Variants in ATAD2 observed in about 807,000 individuals in gnomAD.
ATAD2 encodes ATPase family AAA domain containing 2.
A neutral mutation model predicts 168.9 loss-of-function variants in ATAD2; 62 were observed. The ratio of observed to expected loss-of-function variants is 0.37; its 90% CI spans 0.30 to 0.45. The LOEUF (loss-of-function observed/expected upper bound fraction) is 0.45. Among genes scored for constraint, ATAD2 ranks in the 20% least tolerant of loss-of-function variants. The probability of loss-of-function intolerance (pLI) is 1.00; values close to 1 mark genes in which losing one functional copy is unlikely to be tolerated. For missense variants in ATAD2, 1,419 were observed against 1,667.8 expected (o/e 0.85, Z 2.60); for synonymous variants, 613 against 571.6 (o/e 1.07, Z -1.03).
At chr8:123,390,258 C>T (rs1829790667) in intron 1 of ATAD2, among the ~76,000 whole-genome samples, 1 of 152,032 alleles carries the variant, frequency 6.6e-6, no homozygotes, top group Non-Finnish European at 1.5e-5. Context: ...GCTAGGATTA[C>T]AGGCATGAGC....
intron 1 of ATAD2, among the ~76,000 whole-genome samples, chr8:123,406,781 C>T (rs1813073426): frequency 6.8e-6 from 1 of 147,636 alleles, no homozygotes; most frequent in Non-Finnish European, 1.5e-5. Context: ...CTCGCCACTG[C>T]ACTTTAGCCT....
chr8:123,344,020 C>T (rs771780198), intron 19 of ATAD2, among the ~76,000 whole-genome samples: 2 of 152,154 alleles, frequency 1.3e-5, no homozygotes, highest in Admixed American at 6.5e-5. Flanking sequence ...ATTGTTAAAA[C>T]TTGTAAATGT....
intron 13 of ATAD2, 104 bp downstream of exon 13, chr8:123,356,285 C>G: frequency 1.1e-6 from 1 of 915,138 alleles, no homozygotes; most frequent in Middle Eastern, 2.3e-4. Context: ...AAAGGAACTA[C>G]TAGCTTATAA....
chr8:123,415,987 T>G (rs1813265307), intron 1 of ATAD2, among the ~76,000 whole-genome samples: 1 of 152,186 alleles, frequency 6.6e-6, no homozygotes, highest in South Asian at 2.1e-4. Context: ...CCATATGGAC[T>G]CTTTAAACTT....
At position 123,413,669 on chromosome 8, in the gene ATAD2, T is replaced by C. The variant is rs114619658; in HGVS notation, c.-2282+2579A>G. Among the ~76,000 whole-genome samples, 927 of 152,054 alleles carry C rather than the reference T, an allele frequency of 6.1e-3. 11 individuals carry two copies. The highest frequency in any genetic ancestry group is 0.021 in the African/African-American group (883 of 41,464). ...GCCCTGGAAGAGCTCATGGCAGAGG[T>C]AGAGACAGATTGAGTTGCTGAGCAT... On this transcript the variant is annotated intron_variant, in intron 1 of 28. Coordinates refer to the ATAD2 transcript ENST00000521903.
chr8:123,357,857 A>C, intron 11 of ATAD2, 121 bp from the exon 12 acceptor site: 1 of 1,007,830 alleles, frequency 9.9e-7, no homozygotes, highest in South Asian at 1.9e-5. Context: ...AGACAACTGA[A>C]TTATGGTACA....
intron 1 of ATAD2, among the ~76,000 whole-genome samples, chr8:123,383,902 T>C (rs1037625649): frequency 2.7e-5 from 4 of 150,736 alleles, no homozygotes; most frequent in African/African-American, 9.8e-5. Context: ...GCTAACATGG[T>C]GAAATCACGT....
intron 8 of ATAD2, among the ~76,000 whole-genome samples, chr8:123,367,741 C>A (rs1829025505): frequency 6.6e-6 from 1 of 152,104 alleles, no homozygotes; most frequent in East Asian, 1.9e-4. Context: ...CCTTCTGGAC[C>A]CTGGTCATGT....
chr8:123,343,003 G>A (rs1168713958), intron 19 of ATAD2, among the ~76,000 whole-genome samples: 53 of 123,920 alleles, frequency 4.3e-4, no homozygotes, highest in Non-Finnish European at 5.2e-5. Context: ...TTTTTTTTTT[G>A]AGATGGAGTT....
upstream of ATAD2, among the ~76,000 whole-genome samples, chr8:123,397,490 C>T (rs981571006): frequency 2.0e-5 from 3 of 152,158 alleles, no homozygotes; most frequent in Non-Finnish European, 4.4e-5. Flanking sequence ...AAGATGGCTT[C>T]TCTAAGATGG....
At position 123,346,604 on chromosome 8, in the gene ATAD2, C is replaced by T. The variant is rs1284592286; in HGVS notation, c.2345+14G>A. ...TACACATGCAAAAAACATTGATTTG[C>T]AAGAAAAATATACCTATTCAAATGA... On this transcript the variant is annotated intron_variant, in intron 17 of 27. Transcript: ENST00000287394. 4 of 1,515,844 alleles carry T rather than the reference C, an allele frequency of 2.6e-6. No individual in the cohort carries two copies. Among genetic ancestry groups the T allele is most frequent in the South Asian group, 1.3e-5 (1 of 77,072 alleles). The allele number at this position is 1,515,844 out of a possible 1,614,324, so 93.9% of individuals were successfully genotyped here. A position where few individuals can be genotyped will look rare whatever the true frequency, so the allele number is the denominator to read the frequency against.
At chr8:123,340,773 G>A (rs530738303) in intron 19 of ATAD2, among the ~76,000 whole-genome samples, 2 of 152,258 alleles carry the variant, frequency 1.3e-5, no homozygotes, top group Admixed American at 1.3e-4. Context: ...TATAACAGAA[G>A]TTACCGAGGG....
rs1003094454 is a variant in ATAD2 at position 123,319,964 on chromosome 8, G to C, written c.*1170C>G. On this transcript the variant is annotated 3_prime_UTR_variant, in exon 28 of 28. Coordinates refer to ENST00000287394, the MANE Select transcript of ATAD2 (RefSeq NM_014109.4). ...ATTTATAATAAACCAACAAAAATGA[G>C]AATGTGTATCTCCAGGAATATAAAT... The C allele has an allele frequency of 6.6e-6, 1 of 152,000 alleles. No homozygotes were observed. The highest frequency in any genetic ancestry group is 1.5e-5 in the Non-Finnish European group (1 of 67,992). 9.4% of individuals were successfully genotyped at this position (152,000 alleles called of 1,614,324 possible).
At chr8:123,356,278 G>C in intron 13 of ATAD2, 111 bp downstream of exon 13, 1 of 823,222 alleles carries the variant, frequency 1.2e-6, no homozygotes, top group Non-Finnish European at 1.8e-6. Context: ...ACCAAAAAAA[G>C]GAACTACTAG....
At chr8:123,379,990 G>GATTAT in intron 2 of ATAD2, among the ~76,000 whole-genome samples, 1 of 151,162 alleles carries the variant, frequency 6.6e-6, no homozygotes. Flanking sequence ...GGGTTCAAGT[G>GATTAT]ATTATCCTGC....
Position 123,328,270 on chromosome 8 carries a change from T to C in ATAD2, c.3788A>G (p.Glu1263Gly), listed in dbSNP as rs775863537. The C allele has an allele frequency of 6.4e-7, 1 of 1,562,390 alleles. No individual in the cohort carries two copies. Among genetic ancestry groups the C allele is most frequent in the Non-Finnish European group, 8.6e-7 (1 of 1,158,420 alleles). Residue 1263 changes from glutamate to glycine, a missense_variant, in exon 25 of 28, where the codon GAA becomes GGA. By Grantham distance (98) the Glu-to-Gly change is moderately conservative (BLOSUM62 -2). Coordinates refer to ENST00000287394, the MANE Select transcript of ATAD2 (RefSeq NM_014109.4). ...ATTACAAGCAATCTTGTCTCTCAAT[T>C]CTGTACATGCTGTAGTCTTCCTAGA... is the stretch of plus-strand genomic sequence containing the variant. Reference protein sequence around the residue: ...EDSRKTTACTELRDKIACNGD... With the variant: ...EDSRKTTACTGLRDKIACNGD...
In ATAD2 at chr8:123,361,622, A is replaced by G. The variant is rs2131367171; in HGVS notation, c.1074T>C (p.Ser358=). 6 of 1,612,604 alleles carry G rather than the reference A, an allele frequency of 3.7e-6. No homozygotes were observed. The East Asian group carries it at 8.9e-5, about 24-fold the overall frequency. ...CAGAGGAGGAAGATGAAGTCGAGTC[A>G]CTACTGTGGATTGCATGCCTTCGCC... ...MNRRRHAIHS[S]DSTSSSSSED... Residue 358 remains serine (S), a synonymous_variant, in exon 9 of 28, where the codon AGT becomes AGC. Coordinates refer to ENST00000287394, the MANE Select transcript of ATAD2 (RefSeq NM_014109.4).
At chr8:123,380,444 CAA>C (rs1829461964) in intron 2 of ATAD2, 83 bp downstream of exon 2, 1 of 1,439,736 alleles carries the variant, frequency 6.9e-7, no homozygotes, top group African/African-American at 1.4e-5. Context: ...GATGACCAGT[CAA>C]AAATACACTT....
chr8:123,346,384 C>T (rs1828242993), intron 17 of ATAD2, 112 bp from the exon 18 acceptor site: 2 of 1,089,080 alleles, frequency 1.8e-6, no homozygotes, highest in East Asian at 2.7e-5. Flanking sequence ...ATAAGGCCAA[C>T]CAATCATAAC....
Sources: allele counts gnomAD v4.1 joint callset (sites outside exome capture counted in the v4.1 genomes callset), GRCh38; gene constraint gnomAD v4.1.1; transcripts MANE v1.5; gene names NCBI Gene and HGNC (gene_info 2026-07-23, HGNC 2026-07-21).